PIK3C2G: variants seen among roughly 807,000 people sequenced by gnomAD.
PIK3C2G encodes the protein phosphatidylinositol 3-kinase C2 domain-containing subunit gamma.
Under a neutral mutation model 181.1 loss-of-function variants are expected in PIK3C2G, and 168 were observed. The observed-to-expected ratio is 0.93, with a 90% CI of 0.82 to 1.05. PIK3C2G has a LOEUF of 1.05. Ranked by LOEUF, PIK3C2G falls within the 50% of genes least tolerant of loss-of-function variation. The pLI is 0.00. For synonymous variants in PIK3C2G, 573 were observed against 592.2 expected (o/e 0.97, Z 0.47); for missense variants, 1,869 against 1,732.8 (o/e 1.08, Z -1.40).
the PIK3C2G span, among the ~76,000 whole-genome samples, chr12:18,703,105 G>T: frequency 6.6e-6 from 1 of 152,158 alleles, no homozygotes; most frequent in African/African-American, 2.4e-5. Flanking sequence ...TTCCAAGAAA[G>T]CTGAAAATTA....
chr12:18,325,864 T>TA (rs1028237646), intron 8 of PIK3C2G, among the ~76,000 whole-genome samples: 2 of 152,104 alleles, frequency 1.3e-5, no homozygotes, highest in Admixed American at 1.3e-4. Flanking sequence ...CCAAATTATG[T>TA]AGGATCTTAT....
chr12:18,399,547 A>C (rs1205638140), intron 15 of PIK3C2G, 112 bp from the exon 16 acceptor site: 2 of 521,288 alleles, frequency 3.8e-6, no homozygotes, highest in African/African-American at 1.9e-5. Context: ...TTTGAAAGTA[A>C]ACTAAAATAA....
intron 16 of PIK3C2G, among the ~76,000 whole-genome samples, chr12:18,403,227 G>A (rs60734521): frequency 0.099 from 15,042 of 152,072 alleles, 1,059 homozygotes; most frequent in Admixed American, 0.25. Flanking sequence ...AGGTTATGGG[G>A]ACTGATTTTA....
chr12:18,250,012 A>G (rs958225518), intron 1 of PIK3C2G, among the ~76,000 whole-genome samples: 1 of 152,066 alleles, frequency 6.6e-6, no homozygotes, highest in Non-Finnish European at 1.5e-5. Context: ...CTGTACACAG[A>G]TCTTAACTCT....
At chr12:18,454,238 A>C (rs2135904412) in intron 18 of PIK3C2G, among the ~76,000 whole-genome samples, 1 of 152,308 alleles carries the variant, frequency 6.6e-6, no homozygotes, top group Middle Eastern at 3.4e-3. Context: ...ACAAATAATA[A>C]GCAAGATAAA....
rs189142157 is a variant in PIK3C2G at position 18,540,135 on chromosome 12, G to C, written c.3480+1823G>C. Among the ~76,000 whole-genome samples the C allele has an allele frequency of 4.3e-3, 649 of 151,830 alleles. 4 individuals carry two copies. The highest frequency in any genetic ancestry group is 6.2e-3 in the Non-Finnish European group (420 of 67,858). On this transcript the variant is annotated intron_variant, in intron 25 of 32. Transcript: ENST00000538779. ...CTAGCTCATGAATTCATGAGCTCTTGAGTGTTTACCACAGGCTAGAAATTG... is the reference window on the plus strand; with the variant it reads ...CTAGCTCATGAATTCATGAGCTCTTCAGTGTTTACCACAGGCTAGAAATTG...
intron 30 of PIK3C2G, among the ~76,000 whole-genome samples, chr12:18,599,311 T>G (rs1005365054): frequency 6.6e-6 from 1 of 151,870 alleles, no homozygotes; most frequent in Non-Finnish European, 1.5e-5. Flanking sequence ...TGGAATACTA[T>G]GCAGCCATAA....
At chr12:18,328,850 A>T (rs1213134903) in intron 8 of PIK3C2G, among the ~76,000 whole-genome samples, 1 of 151,986 alleles carries the variant, frequency 6.6e-6, no homozygotes, top group African/African-American at 2.4e-5. Context: ...GAAAATTTTC[A>T]CAAAATTGAT....
chr12:18,279,852 T>C (rs1374872747), intron 1 of PIK3C2G, among the ~76,000 whole-genome samples: 2 of 152,044 alleles, frequency 1.3e-5, no homozygotes, highest in Non-Finnish European at 2.9e-5. Flanking sequence ...TTTACATACA[T>C]CTCTTGAAAA....
chr12:18,380,194 G>A (rs751563972), intron 13 of PIK3C2G, among the ~76,000 whole-genome samples: 8 of 152,226 alleles, frequency 5.3e-5, no homozygotes, highest in East Asian at 1.9e-4. Context: ...TATGTCCGCC[G>A]TGCTTACTCA....
intron 24 of PIK3C2G, among the ~76,000 whole-genome samples, chr12:18,537,594 C>A: frequency 6.6e-6 from 1 of 151,990 alleles, no homozygotes; most frequent in East Asian, 1.9e-4. Flanking sequence ...TCATATCTTC[C>A]TTTCTGACCA....
the PIK3C2G span, chr12:18,699,663 C>A: frequency 2.0e-6 from 2 of 1,010,842 alleles, no homozygotes; most frequent in Non-Finnish European, 3.0e-6. Context: ...TAACCCCATT[C>A]TAAATTATGT....
intron 24 of PIK3C2G, among the ~76,000 whole-genome samples, chr12:18,532,548 T>A (rs115192319): frequency 0.012 from 1,770 of 152,322 alleles, 31 homozygotes; most frequent in African/African-American, 0.041. Flanking sequence ...TGTCTAATTG[T>A]TCCAGTATCA....
chr12:18,520,638 C>T (rs1942848637), intron 24 of PIK3C2G, among the ~76,000 whole-genome samples: 1 of 152,130 alleles, frequency 6.6e-6, no homozygotes. Context: ...AGGTTCTTAG[C>T]TTCTTTGCAT....
upstream of PIK3C2G, among the ~76,000 whole-genome samples, chr12:18,258,181 T>A (rs1948167765): frequency 6.6e-6 from 1 of 152,200 alleles, no homozygotes; most frequent in Non-Finnish European, 1.5e-5. Flanking sequence ...TACTCTTTTA[T>A]ATTGTATATA....
chr12:18,614,556 C>CCTTG (rs1201299650), intron 31 of PIK3C2G, among the ~76,000 whole-genome samples: 2 of 152,030 alleles, frequency 1.3e-5, no homozygotes, highest in Non-Finnish European at 2.9e-5. Flanking sequence ...TCTGAGGCTT[C>CCTTG]CTTGGCTCTT....
At chr12:18,600,411 G>A (rs1947645082) in intron 30 of PIK3C2G, among the ~76,000 whole-genome samples, 1 of 151,848 alleles carries the variant, frequency 6.6e-6, no homozygotes, top group South Asian at 2.1e-4. Flanking sequence ...ACAAAACTAT[G>A]CTCAGAGGAA....
chr12:18,635,164 T>G (rs986309528), intron 31 of PIK3C2G, among the ~76,000 whole-genome samples: 65 of 152,346 alleles, frequency 4.3e-4, no homozygotes, highest in African/African-American at 1.5e-3. Flanking sequence ...AGCTGATGCC[T>G]GTATATCATG....
chr12:18,559,805 TATATATATATATATATAGAGAGAGAG>T (rs1210151080), intron 26 of PIK3C2G, among the ~76,000 whole-genome samples: 239 of 45,782 alleles, frequency 5.2e-3, no homozygotes, highest in East Asian at 0.022. Context: ...TATATATATA[TATATATATATATATATAGAGAGAGAG>T]AGAGAGAGAG....
Sources: gnomAD v4.1 joint callset for allele counts (sites outside exome capture counted in the v4.1 genomes callset) on GRCh38, gnomAD v4.1.1 for gene constraint, MANE v1.5 for transcripts, NCBI Gene and HGNC (gene_info 2026-07-23, HGNC 2026-07-21) for gene names.